Variants in PDZD2 observed in about 807,000 individuals in gnomAD.
PDZD2 encodes PDZ domain-containing protein 2.
Under a neutral mutation model 220.7 loss-of-function variants are expected in PDZD2, and 90 were observed. The ratio of observed to expected loss-of-function variants is 0.41; its 90% CI spans 0.34 to 0.49. The LOEUF is 0.49. Ranked by LOEUF, PDZD2 falls within the 20% of genes least tolerant of loss-of-function variation. The pLI is 0.28. For missense variants in PDZD2, 3,174 were observed against 3,608.5 expected (o/e 0.88, Z 3.08); for synonymous variants, 1,375 against 1,450.5 (o/e 0.95, Z 1.18).
Position 31,699,615 on chromosome 5 carries a change from A to T in PDZD2, c.-361+60178A>T, listed in dbSNP as rs537754953. Among the ~76,000 whole-genome samples the T allele has an allele frequency of 9.9e-5, 15 of 151,836 alleles. No individual in the cohort carries two copies. The South Asian group carries it at 2.7e-3, about 27-fold the overall frequency. On this transcript the variant is annotated intron_variant, in intron 1 of 24. Coordinates refer to ENST00000438447, the MANE Select transcript of PDZD2 (RefSeq NM_178140.4). Reference sequence around the variant, plus strand: ...TTTATTTATTTGTTTTATTATTATTATTTTTTGAGACAGAGTCTCATTCTG... The same window carrying T: ...TTTATTTATTTGTTTTATTATTATTTTTTTTTGAGACAGAGTCTCATTCTG...
chr5:31,830,350 G>T (rs71627329), intron 2 of PDZD2, among the ~76,000 whole-genome samples: 30,930 of 88,866 alleles, frequency 0.35, 3,813 homozygotes, highest in African/African-American at 0.46. Flanking sequence ...TTTTTTTTTT[G>T]TATTTTTAGT....
In PDZD2 at chr5:31,928,005, T is replaced by A. The variant is rs192486011; in HGVS notation, c.477-55150T>A. Among the ~76,000 whole-genome samples, 254 of 152,186 alleles carry A rather than the reference T, an allele frequency of 1.7e-3. 1 individual carries two copies. Among genetic ancestry groups the A allele is most frequent in the African/African-American group, 5.8e-3 (239 of 41,498 alleles). ...GCCATTTCAGTATGCCTACCCTCAC[T>A]GAGAATATGTAAGGAGGAAAGAACA... is the stretch of plus-strand genomic sequence containing the variant. On this transcript the variant is annotated intron_variant, in intron 2 of 24. Coordinates refer to ENST00000438447, the MANE Select transcript of PDZD2 (RefSeq NM_178140.4).
At chr5:31,913,608 C>T (rs1743397179) in intron 2 of PDZD2, among the ~76,000 whole-genome samples, 1 of 152,116 alleles carries the variant, frequency 6.6e-6, no homozygotes, top group Admixed American at 6.6e-5. Context: ...TGGGGCTGTT[C>T]GTCATGGCTC....
chr5:31,699,408 G>A (rs1461987007), intron 1 of PDZD2, among the ~76,000 whole-genome samples: 1 of 152,090 alleles, frequency 6.6e-6, no homozygotes, highest in Non-Finnish European at 1.5e-5. Flanking sequence ...GAGGCTAGGA[G>A]TGAGAGGCAA....
intron 2 of PDZD2, among the ~76,000 whole-genome samples, chr5:31,960,737 C>G (rs537087658): frequency 7.3e-6 from 1 of 137,634 alleles, no homozygotes; most frequent in Non-Finnish European, 1.7e-5. Flanking sequence ...TGAAGTAACC[C>G]GTGCTTCTGT....
intron 9 of PDZD2, among the ~76,000 whole-genome samples, chr5:32,053,485 T>C (rs190004561): frequency 7.2e-5 from 11 of 152,366 alleles, no homozygotes; most frequent in Admixed American, 1.3e-4. Flanking sequence ...AGGTCAAAGA[T>C]TGTCAAATAT....
intron 1 of PDZD2, among the ~76,000 whole-genome samples, chr5:31,739,065 T>C (rs1750084621): frequency 6.6e-6 from 1 of 152,144 alleles, no homozygotes; most frequent in Non-Finnish European, 1.5e-5. Context: ...TTTGTATTTT[T>C]AGTAGTGATG....
Position 32,072,277 on chromosome 5 carries a change from C to T in PDZD2, c.2685C>T (p.Cys895=), listed in dbSNP as rs1740825656. 2.5e-6 allele frequency: 4 copies of T among 1,613,924 alleles called. No individual in the cohort carries two copies. Among genetic ancestry groups the T allele is most frequent in the Admixed American group, 1.7e-5 (1 of 59,996 alleles). The change falls in exon 17 of 25, where the codon TGC becomes TGT. Residue 895 remains cysteine (C), a synonymous_variant. Transcript: ENST00000438447. ...SEDEDHPGSG[C]STSEEGSLPP... Reference sequence around the variant, plus strand: ...ACGAGGATCACCCGGGAAGTGGCTGCAGCACGTCGGAGGAGGGCAGCCTGC... The same window carrying T: ...ACGAGGATCACCCGGGAAGTGGCTGTAGCACGTCGGAGGAGGGCAGCCTGC...
At chr5:31,875,534 C>T (rs767767510) in intron 2 of PDZD2, among the ~76,000 whole-genome samples, 5 of 146,298 alleles carry the variant, frequency 3.4e-5, no homozygotes, top group African/African-American at 1.0e-4. Context: ...TGCAGTGAGC[C>T]GAGATCACAC....
At chr5:31,682,025 G>A (rs1746670938) in intron 1 of PDZD2, among the ~76,000 whole-genome samples, 1 of 152,092 alleles carries the variant, frequency 6.6e-6, no homozygotes, top group Non-Finnish European at 1.5e-5. Flanking sequence ...TTGGAACATC[G>A]CATTCTTTCT....
At chr5:31,780,537 A>G (rs775690661) in intron 1 of PDZD2, among the ~76,000 whole-genome samples, 5 of 152,202 alleles carry the variant, frequency 3.3e-5, no homozygotes, top group Non-Finnish European at 5.9e-5. Flanking sequence ...AGAAATAATG[A>G]TGAGCACATT....
intron 3 of PDZD2, among the ~76,000 whole-genome samples, chr5:31,988,540 G>A (rs1003243203): frequency 1.1e-4 from 17 of 151,976 alleles, no homozygotes; most frequent in African/African-American, 4.1e-4. Flanking sequence ...TCATACTCTA[G>A]GGATTTGTAT....
At chr5:31,720,491 A>G (rs890493854) in intron 1 of PDZD2, among the ~76,000 whole-genome samples, 1 of 152,224 alleles carries the variant, frequency 6.6e-6, no homozygotes, top group African/African-American at 2.4e-5. Context: ...ATCAGCTGAC[A>G]AAGGGCAGAT....
At chr5:31,948,840 T>C (rs1470354740) in intron 2 of PDZD2, among the ~76,000 whole-genome samples, 1 of 152,118 alleles carries the variant, frequency 6.6e-6, no homozygotes, top group African/African-American at 2.4e-5. Flanking sequence ...GGCTCATGCC[T>C]GTAATCCCAG....
At chr5:31,780,179 G>A (rs1308634909) in intron 1 of PDZD2, among the ~76,000 whole-genome samples, 3 of 152,098 alleles carry the variant, frequency 2.0e-5, no homozygotes, top group Non-Finnish European at 2.9e-5. Flanking sequence ...TACCCTTGGA[G>A]CCTGGGGACG....
intron 19 of PDZD2, among the ~76,000 whole-genome samples, chr5:32,082,157 G>A (rs192357465): frequency 6.6e-6 from 1 of 151,768 alleles, no homozygotes; most frequent in Non-Finnish European, 1.5e-5. Context: ...GAGTAGCTTG[G>A]ATTACAGGCG....
chr5:31,730,451 G>C (rs1381493525), intron 1 of PDZD2, among the ~76,000 whole-genome samples: 4 of 152,142 alleles, frequency 2.6e-5, no homozygotes, highest in African/African-American at 7.2e-5. Context: ...TCTCTGTTAA[G>C]ATGGGCCACA....
chr5:31,850,247 C>CACAT (rs1757973081), intron 2 of PDZD2, among the ~76,000 whole-genome samples: 15 of 83,600 alleles, frequency 1.8e-4, no homozygotes, highest in Admixed American at 1.8e-3. Context: ...TATATATACA[C>CACAT]ACACACACAC....
At chr5:31,886,490 C>A (rs986312051) in intron 2 of PDZD2, among the ~76,000 whole-genome samples, 1 of 152,110 alleles carries the variant, frequency 6.6e-6, no homozygotes, top group Non-Finnish European at 1.5e-5. Context: ...GAAATTCCTC[C>A]CTTTGCCCCT....
Sources: gnomAD v4.1 joint callset for allele counts (sites outside exome capture counted in the v4.1 genomes callset) on GRCh38, gnomAD v4.1.1 for gene constraint, MANE v1.5 for transcripts, NCBI Gene and HGNC (gene_info 2026-07-23, HGNC 2026-07-21) for gene names.